GPC6: variants seen among roughly 807,000 people sequenced by gnomAD.
GPC6 encodes glypican 6, also known as glypican-6.
In GPC6, 14 loss-of-function variants were observed where a neutral mutation model predicts 55.2. The observed-to-expected ratio is 0.25, with a 90% CI of 0.17 to 0.40. The LOEUF is 0.40. Among genes scored for constraint, GPC6 ranks in the 10% least tolerant of loss-of-function variants. The pLI is 1.00. For synonymous variants in GPC6, 278 were observed against 259.6 expected (o/e 1.07, Z -0.68); for missense variants, 641 against 708.5 (o/e 0.90, Z 1.08).
chr13:93,647,532 G>A (rs918706128), intron 2 of GPC6, among the ~76,000 whole-genome samples: 1 of 152,148 alleles, frequency 6.6e-6, no homozygotes, highest in Non-Finnish European at 1.5e-5. Flanking sequence ...CTAAGGGATA[G>A]CCTCGATGCT....
intron 2 of GPC6, 23 bp downstream of exon 2, chr13:93,545,444 C>T: frequency 6.3e-7 from 1 of 1,598,162 alleles, no homozygotes; most frequent in Non-Finnish European, 8.6e-7. Flanking sequence ...GTTTTCACTT[C>T]AGTTTGTTAT....
intron 5 of GPC6, among the ~76,000 whole-genome samples, chr13:94,294,449 A>C (rs1015261881): frequency 3.3e-5 from 5 of 151,608 alleles, no homozygotes; most frequent in Non-Finnish European, 7.4e-5. Context: ...AAAAAAAAAA[A>C]AAAAAAACCC....
chr13:94,036,862 T>C (rs1883353615), intron 4 of GPC6, among the ~76,000 whole-genome samples: 3 of 151,956 alleles, frequency 2.0e-5, no homozygotes, highest in African/African-American at 7.2e-5. Context: ...ATTCTCAAAA[T>C]CCACCACAAT....
rs1487154242 is a variant in GPC6, at chr13:93,920,636, G to A, written c.711+90091G>A. On this transcript the variant is annotated intron_variant, in intron 3 of 8. Coordinates refer to ENST00000377047, the MANE Select transcript of GPC6 (RefSeq NM_005708.5). Reference sequence around the variant, plus strand: ...CAGTCTTGTTTTTCACACTCTGTATGTAGTCCAAGGCCATTCTAACAACGT... The same window carrying A: ...CAGTCTTGTTTTTCACACTCTGTATATAGTCCAAGGCCATTCTAACAACGT... 4.6e-5 allele frequency among the ~76,000 whole-genome samples: 7 copies of A among 152,202 alleles called. No homozygotes were observed. In the East Asian group the frequency reaches 1.2e-3, roughly 25 times the overall value.
intron 1 of GPC6, among the ~76,000 whole-genome samples, chr13:93,495,333 G>T (rs1880219091): frequency 6.7e-6 from 1 of 149,554 alleles, no homozygotes; most frequent in Non-Finnish European, 1.5e-5. Flanking sequence ...TGAGGCTTCT[G>T]CATTCTTCAC....
At chr13:94,056,748 C>T (rs546192265) in intron 4 of GPC6, among the ~76,000 whole-genome samples, 20 of 152,246 alleles carry the variant, frequency 1.3e-4, no homozygotes, top group African/African-American at 4.6e-4. Context: ...ATTAGTCCAA[C>T]GATAATTTCT....
chr13:93,490,292 T>G (rs1879916286), intron 1 of GPC6, among the ~76,000 whole-genome samples: 1 of 151,496 alleles, frequency 6.6e-6, no homozygotes, highest in South Asian at 2.1e-4. Flanking sequence ...CTGTTATATT[T>G]ACTGAAAATT....
chr13:93,957,894 A>G (rs986768515), intron 3 of GPC6, among the ~76,000 whole-genome samples: 2 of 152,112 alleles, frequency 1.3e-5, no homozygotes, highest in African/African-American at 2.4e-5. Context: ...TGAGTTTTTA[A>G]TAATAGCCAT....
intron 1 of GPC6, among the ~76,000 whole-genome samples, chr13:93,295,448 C>A (rs1489078750): frequency 6.6e-6 from 1 of 151,968 alleles, no homozygotes; most frequent in South Asian, 2.1e-4. Context: ...AAAGCAAGTT[C>A]TCTGTCTGTC....
rs778944158 is a variant in GPC6 at position 93,439,662 on chromosome 13, C to CAAATA, written c.161-105578_161-105574dup. Reference sequence around the variant, plus strand: ...GGGCGACAAAAGTGAAACTACATCTCAAATAAAATAAAATAAAATAAAATA... The same window carrying CAAATA: ...GGGCGACAAAAGTGAAACTACATCTCAAATAAAATAAAATAAAATAAAATAAAATA... On this transcript the variant is annotated intron_variant, in intron 1 of 8. Transcript: ENST00000377047. Among the ~76,000 whole-genome samples, 225 of 145,604 alleles carry CAAATA rather than the reference C, an allele frequency of 1.5e-3. 1 individual carries two copies. The highest frequency in any genetic ancestry group is 5.5e-3 in the African/African-American group (209 of 38,250).
At chr13:93,647,602 C>T (rs1880226292) in intron 2 of GPC6, among the ~76,000 whole-genome samples, 2 of 152,152 alleles carry the variant, frequency 1.3e-5, no homozygotes, top group South Asian at 4.1e-4. Context: ...ACTTCTGAGG[C>T]CTGGGTCATC....
chr13:93,805,390 A>T (rs1424689033), intron 2 of GPC6, among the ~76,000 whole-genome samples: 1 of 152,190 alleles, frequency 6.6e-6, no homozygotes, highest in Non-Finnish European at 1.5e-5. Flanking sequence ...TAAATTAATC[A>T]TGATGGGTGG....
chr13:93,639,474 C>T (rs1427177363), intron 2 of GPC6, among the ~76,000 whole-genome samples: 2 of 151,758 alleles, frequency 1.3e-5, no homozygotes, highest in Admixed American at 6.6e-5. Flanking sequence ...TTGAGTATTC[C>T]GTGTTATCTG....
At chr13:93,708,785 T>C (rs1463281120) in intron 2 of GPC6, among the ~76,000 whole-genome samples, 3 of 151,754 alleles carry the variant, frequency 2.0e-5, no homozygotes, top group Non-Finnish European at 4.4e-5. Context: ...AAGATGCTAC[T>C]GCCCTCATGG....
Position 93,850,288 on chromosome 13 carries a change from C to G in GPC6, c.711+19743C>G, listed in dbSNP as rs528253723. Among the ~76,000 whole-genome samples, 12 of 151,988 alleles carry G rather than the reference C, an allele frequency of 7.9e-5. No individual in the cohort carries two copies. The South Asian group carries it at 2.5e-3, about 32-fold the overall frequency. ...GTGCGATGGTAAATAACACCTAGCC[C>G]AGCCTTAGAATTCCCATTCTAAAGT... On this transcript the variant is annotated intron_variant, in intron 3 of 8. Coordinates refer to ENST00000377047, the MANE Select transcript of GPC6 (RefSeq NM_005708.5).
rs17791726 is a variant in GPC6, at chr13:94,146,752, T to A, written c.877+118858T>A. Among the ~76,000 whole-genome samples, 6 of 152,130 alleles carry A rather than the reference T, an allele frequency of 3.9e-5. No homozygotes were observed. In the East Asian group the frequency reaches 1.2e-3, roughly 29 times the overall value. ...ACCAGTTGTTGTATATCAAAAGTGA[T>A]ACCAAAAGGCAATTTCTTAGAAATA... On this transcript the variant is annotated intron_variant, in intron 4 of 8. Transcript: ENST00000377047.
chr13:94,159,219 A>AT (rs1888070182), intron 4 of GPC6, among the ~76,000 whole-genome samples: 1 of 152,176 alleles, frequency 6.6e-6, no homozygotes, highest in African/African-American at 2.4e-5. Context: ...TGAGCCTCAG[A>AT]TTCCTCACTT....
At chr13:93,627,302 C>G (rs1879243550) in intron 2 of GPC6, among the ~76,000 whole-genome samples, 1 of 152,080 alleles carries the variant, frequency 6.6e-6, no homozygotes, top group African/African-American at 2.4e-5. Context: ...TGGTTTCCAG[C>G]TTCATCCATG....
intron 2 of GPC6, among the ~76,000 whole-genome samples, chr13:93,592,440 G>A (rs1001223242): frequency 6.8e-6 from 1 of 147,898 alleles, no homozygotes; most frequent in African/African-American, 2.5e-5. Context: ...TAGTAGAGAC[G>A]GGGTTTCACC....
Sources: gnomAD v4.1 joint callset for allele counts (sites outside exome capture counted in the v4.1 genomes callset) on GRCh38, gnomAD v4.1.1 for gene constraint, MANE v1.5 for transcripts, NCBI Gene and HGNC (gene_info 2026-07-23, HGNC 2026-07-21) for gene names.